The following FAAH2 variants were observed in gnomAD, a reference collection of about 807,000 sequenced individuals.
The protein encoded by FAAH2 is fatty-acid amide hydrolase 2.
FAAH2 carries 60 observed loss-of-function variants against 36.9 expected under a neutral mutation model. The ratio of observed to expected loss-of-function variants is 1.63; its 90% CI spans 1.32 to 2.02. The LOEUF (loss-of-function observed/expected upper bound fraction) is 2.02, where lower values mean the gene tolerates loss of function less well. Ranked by LOEUF, FAAH2 falls within the 30% of genes most tolerant of loss-of-function variation. The pLI is 0.00. For synonymous variants in FAAH2, 214 were observed against 143.8 expected (o/e 1.49, Z -3.49); for missense variants, 689 against 397.5 (o/e 1.73, Z -6.23).
chrX:57,141,485 G>C, the FAAH2 span, among the ~76,000 whole-genome samples: 1 of 111,639 alleles, frequency 9.0e-6, no homozygotes. Context: ...TTGATTTTTT[G>C]GAATGGTTTG....
rs185186546 is a variant in FAAH2, at chrX:57,315,624, T to C, written c.412+4895T>C. ...ATCAACATATGCAAATCATTTAATGTGATTCACCACGTAAATGATTAAAAG... is the reference window on the plus strand; with the variant it reads ...ATCAACATATGCAAATCATTTAATGCGATTCACCACGTAAATGATTAAAAG... On this transcript the variant is annotated intron_variant, in intron 3 of 10. Coordinates refer to ENST00000374900, the MANE Select transcript of FAAH2 (RefSeq NM_174912.4). Among the ~76,000 whole-genome samples, 19 of 112,220 alleles carry C rather than the reference T, an allele frequency of 1.7e-4. 1 individual carries two copies. The highest frequency in any genetic ancestry group is 5.5e-4 in the African/African-American group (17 of 31,022).
At chrX:57,381,837 T>C (rs2054859287) in intron 7 of FAAH2, among the ~76,000 whole-genome samples, 1 of 111,459 alleles carries the variant, frequency 9.0e-6, no homozygotes, top group Admixed American at 9.6e-5. Flanking sequence ...AATAGACATC[T>C]ACAGAACTCT....
the FAAH2 span, among the ~76,000 whole-genome samples, chrX:57,128,038 C>T: frequency 9.0e-6 from 1 of 111,600 alleles, no homozygotes; most frequent in African/African-American, 3.2e-5. Flanking sequence ...GATAGACATT[C>T]AAGATTTTCC....
the FAAH2 span, among the ~76,000 whole-genome samples, chrX:57,223,835 C>G: frequency 8.9e-6 from 1 of 111,902 alleles, no homozygotes; most frequent in African/African-American, 3.3e-5. Flanking sequence ...ACAACGGACC[C>G]TCCTTCATCA....
intron 7 of FAAH2, chrX:57,393,339 C>A (rs5914095): frequency 3.5e-5 from 28 of 800,210 alleles, no homozygotes; most frequent in Middle Eastern, 2.9e-4. Context: ...ATCTTTAGAG[C>A]GCTGACAGTG....
At chrX:57,402,303 G>T (rs1340098834) in intron 7 of FAAH2, among the ~76,000 whole-genome samples, 1 of 112,076 alleles carries the variant, frequency 8.9e-6, no homozygotes, top group African/African-American at 3.2e-5. Flanking sequence ...TTTTTAAAGT[G>T]TCCTTGTAGA....
the FAAH2 span, among the ~76,000 whole-genome samples, chrX:57,152,675 T>G: frequency 8.9e-6 from 1 of 111,828 alleles, no homozygotes; most frequent in East Asian, 2.8e-4. Context: ...TGTCACCCCT[T>G]TCTTTGAGTA....
the FAAH2 span, among the ~76,000 whole-genome samples, chrX:57,225,329 A>T: frequency 9.0e-6 from 1 of 110,870 alleles, no homozygotes; most frequent in East Asian, 2.8e-4. Context: ...AAAGTTTTTG[A>T]TAGGTTGTGT....
At chrX:57,465,070 A>T (rs761377755) in intron 10 of FAAH2, among the ~76,000 whole-genome samples, 1 of 111,913 alleles carries the variant, frequency 8.9e-6, no homozygotes, top group South Asian at 3.7e-4. Flanking sequence ...GAAAAAGCAA[A>T]TAGAAATTTT....
At chrX:57,155,245 T>G in the FAAH2 span, among the ~76,000 whole-genome samples, 1 of 111,475 alleles carries the variant, frequency 9.0e-6, no homozygotes, top group Non-Finnish European at 1.9e-5. Context: ...ATATGCCCTT[T>G]GTCTTCAGCT....
intron 1 of FAAH2, among the ~76,000 whole-genome samples, chrX:57,287,696 G>A (rs1370960340): frequency 9.0e-6 from 1 of 111,516 alleles, no homozygotes; most frequent in East Asian, 2.8e-4. Context: ...GTGCAGGCAG[G>A]ACTATTCATC....
the FAAH2 span, among the ~76,000 whole-genome samples, chrX:57,153,154 A>T: frequency 8.9e-6 from 1 of 111,879 alleles, no homozygotes; most frequent in African/African-American, 3.3e-5. Flanking sequence ...CTTGATTTAA[A>T]GTTTGTTTTC....
At chrX:57,261,177 C>T in the FAAH2 span, among the ~76,000 whole-genome samples, 3 of 111,068 alleles carry the variant, frequency 2.7e-5, no homozygotes, top group African/African-American at 9.8e-5. Flanking sequence ...TTTCGTAGAC[C>T]CATGCAGTGG....
chrX:57,247,128 T>C, the FAAH2 span, among the ~76,000 whole-genome samples: 2 of 111,894 alleles, frequency 1.8e-5, no homozygotes, highest in Non-Finnish European at 3.8e-5. Flanking sequence ...ACATATAGTT[T>C]GTAATTTGCT....
At chrX:57,451,364 A>C (rs1212775978) in intron 10 of FAAH2, among the ~76,000 whole-genome samples, 1 of 111,915 alleles carries the variant, frequency 8.9e-6, no homozygotes, top group African/African-American at 3.2e-5. Context: ...GACACTCTAC[A>C]ATGAGAATAA....
chrX:57,133,677 A>T, the FAAH2 span, among the ~76,000 whole-genome samples: 1 of 111,945 alleles, frequency 8.9e-6, no homozygotes. Flanking sequence ...TCATCGTGTG[A>T]AATCTCTCAA....
chrX:57,415,494 C>T (rs761890606), intron 7 of FAAH2, among the ~76,000 whole-genome samples: 1 of 111,882 alleles, frequency 8.9e-6, no homozygotes, highest in Non-Finnish European at 1.9e-5. Context: ...CCAGTAGTCA[C>T]TCATGAGCAG....
chrX:57,278,258 C>T, the FAAH2 span, among the ~76,000 whole-genome samples: 15 of 111,235 alleles, frequency 1.3e-4, no homozygotes, highest in Non-Finnish European at 3.8e-5. Context: ...GAACAGAGGC[C>T]TCAGAAATAA....
At chrX:57,278,732 T>C in the FAAH2 span, among the ~76,000 whole-genome samples, 3 of 111,468 alleles carry the variant, frequency 2.7e-5, no homozygotes, top group Non-Finnish European at 3.8e-5. Flanking sequence ...TAATTGAATG[T>C]ACAAAGAAGT....
Sources: gnomAD v4.1 joint callset for allele counts (sites outside exome capture counted in the v4.1 genomes callset) on GRCh38, gnomAD v4.1.1 for gene constraint, MANE v1.5 for transcripts, NCBI Gene and HGNC (gene_info 2026-07-23, HGNC 2026-07-21) for gene names.